The following ABCA13 variants were observed in gnomAD, a reference collection of about 807,000 sequenced individuals.
ABCA13 encodes the protein ATP binding cassette subfamily A member 13.
Under a neutral mutation model 478.7 loss-of-function variants are expected in ABCA13, and 476 were observed. That is an observed-to-expected ratio of 0.99 (90% CI 0.92 to 1.07). The LOEUF is 1.07. Ranked by LOEUF, ABCA13 falls within the 50% of genes least tolerant of loss-of-function variation. The probability of loss-of-function intolerance (pLI) is 0.00; values close to 1 mark genes in which losing one functional copy is unlikely to be tolerated. For missense variants in ABCA13, 6,060 were observed against 5,910.6 expected (o/e 1.03, Z -0.83); for synonymous variants, 2,252 against 2,158.9 (o/e 1.04, Z -1.20).
intron 55 of ABCA13, among the ~76,000 whole-genome samples, chr7:48,534,381 T>G (rs966938655): frequency 2.0e-5 from 3 of 152,334 alleles, no homozygotes; most frequent in Non-Finnish European, 2.9e-5. Flanking sequence ...GGTTACCTGA[T>G]GCTTTTGCCT....
rs772028834 is a variant in ABCA13, at chr7:48,392,082, T to A, written c.11816T>A (p.Phe3939Tyr). The part of the protein sequence containing the change: ...NLTVREHLLL[F>Y]ASIKAPQWTK... Reference sequence around the variant, plus strand: ...ACCGTCCGGGAACATTTGCTGCTCTTTGCTTCCATAAAGGCGCCTCAGTGG... The same window carrying A: ...ACCGTCCGGGAACATTTGCTGCTCTATGCTTCCATAAAGGCGCCTCAGTGG... The change falls in exon 38 of 62, where the codon TTT becomes TAT. Residue 3939 changes from phenylalanine to tyrosine, a missense_variant. Physicochemically the swap from Phe to Tyr is conservative, Grantham distance 22. This residue lies in a region of ABCA13 where 1,627 missense variants were observed against 1,571.0 expected (regional missense o/e 1.04). Coordinates refer to ENST00000435803, the MANE Select transcript of ABCA13 (RefSeq NM_152701.5). 4.8e-5 allele frequency: 77 copies of A among 1,613,826 alleles called. 1 individual carries two copies. The highest frequency in any genetic ancestry group is 3.3e-4 in the Middle Eastern group (2 of 6,084).
At chr7:48,429,136 T>G (rs1429695686) in intron 42 of ABCA13, among the ~76,000 whole-genome samples, 3 of 152,244 alleles carry the variant, frequency 2.0e-5, no homozygotes, top group African/African-American at 7.2e-5. Context: ...TTATTTTGAT[T>G]ACCAAATATT....
At chr7:48,368,746 TTTATATATATATATAC>T (rs1191140617) in intron 32 of ABCA13, among the ~76,000 whole-genome samples, 20 of 122,296 alleles carry the variant, frequency 1.6e-4, no homozygotes, top group Non-Finnish European at 3.4e-4. Flanking sequence ...TATATATACA[TTTATATATATATATAC>T]ACACATATAC....
intron 1 of ABCA13, among the ~76,000 whole-genome samples, chr7:48,181,306 G>T (rs1230907348): frequency 6.6e-5 from 10 of 152,074 alleles, no homozygotes; most frequent in Admixed American, 6.6e-4. Flanking sequence ...GTGATTACGT[G>T]CATGACAAGT....
At position 48,372,387 on chromosome 7, in the gene ABCA13, G is replaced by A. The variant is rs200787053; in HGVS notation, c.11023G>A (p.Ala3675Thr). The A allele has an allele frequency of 1.7e-5, 28 of 1,613,864 alleles. No individual in the cohort carries two copies. In the African/African-American group the frequency reaches 3.2e-4, roughly 18 times the overall value. The change falls in exon 33 of 62, where the codon GCT becomes ACT. Residue 3675 changes from alanine (A) to threonine (T), a missense_variant. Transcript: ENST00000435803. ...CCTCTTGAGTGCATTTTTCAGCCAA[G>A]CTAATACAGCGGCCCTTTGTACCAG... Reference protein sequence around the residue: ...SYLLSAFFSQANTAALCTSLV... With the variant: ...SYLLSAFFSQTNTAALCTSLV...
At chr7:48,264,922 A>G (rs1391627668) in intron 15 of ABCA13, among the ~76,000 whole-genome samples, 1 of 151,672 alleles carries the variant, frequency 6.6e-6, no homozygotes, top group African/African-American at 2.4e-5. Flanking sequence ...TATGTCCTAA[A>G]TTTAGGTCTA....
chr7:48,308,657 A>G (rs1801271731), intron 23 of ABCA13, among the ~76,000 whole-genome samples: 1 of 151,936 alleles, frequency 6.6e-6, no homozygotes, highest in African/African-American at 2.4e-5. Flanking sequence ...TGGGACTACC[A>G]CCGTATATGT....
intron 38 of ABCA13, among the ~76,000 whole-genome samples, chr7:48,402,828 C>A (rs528805742): frequency 1.3e-5 from 2 of 152,226 alleles, no homozygotes; most frequent in African/African-American, 4.8e-5. Context: ...TGCTGGCTAT[C>A]AGGAAGGTAG....
At chr7:48,434,181 T>C (rs1822518889) in intron 42 of ABCA13, among the ~76,000 whole-genome samples, 1 of 152,022 alleles carries the variant, frequency 6.6e-6, no homozygotes, top group Non-Finnish European at 1.5e-5. Flanking sequence ...TGCTTGTTAT[T>C]CCACCTTTTA....
chr7:48,181,048 A>T (rs1333400757), intron 1 of ABCA13, among the ~76,000 whole-genome samples: 1 of 152,236 alleles, frequency 6.6e-6, no homozygotes, highest in African/African-American at 2.4e-5. Context: ...AACTCTTTTT[A>T]GTTTCGTTCC....
intron 55 of ABCA13, among the ~76,000 whole-genome samples, chr7:48,567,467 G>A (rs1324251970): frequency 6.6e-6 from 1 of 151,896 alleles, no homozygotes; most frequent in Non-Finnish European, 1.5e-5. Context: ...TTGAGATTGG[G>A]GAGTAGTTGG....
chr7:48,645,251 A>C (rs1172665578), intron 61 of ABCA13, among the ~76,000 whole-genome samples, 166 bp from the exon 62 acceptor site: 1 of 152,162 alleles, frequency 6.6e-6, no homozygotes. Flanking sequence ...TTGTGTCCTC[A>C]ATGGATTTAT....
At chr7:48,241,441 A>G (rs1471734167) in intron 10 of ABCA13, among the ~76,000 whole-genome samples, 2 of 152,232 alleles carry the variant, frequency 1.3e-5, no homozygotes, top group Non-Finnish European at 2.9e-5. Context: ...TTCCTCTTCA[A>G]AAAATATGTT....
At chr7:48,411,652 A>C (rs1819259465) in intron 40 of ABCA13, among the ~76,000 whole-genome samples, 1 of 152,152 alleles carries the variant, frequency 6.6e-6, no homozygotes, top group Non-Finnish European at 1.5e-5. Flanking sequence ...TAGAGGCTAA[A>C]ACTTTGCCAG....
chr7:48,607,043 A>T (rs1050551238), intron 58 of ABCA13, among the ~76,000 whole-genome samples: 2 of 152,146 alleles, frequency 1.3e-5, no homozygotes, highest in African/African-American at 4.8e-5. Context: ...GCAAGGACGG[A>T]TGCCCCTCTC....
At chr7:48,441,889 A>G (rs1457671466) in intron 42 of ABCA13, among the ~76,000 whole-genome samples, 2 of 152,246 alleles carry the variant, frequency 1.3e-5, no homozygotes, top group African/African-American at 2.4e-5. Flanking sequence ...TTACTGCGAA[A>G]AAAATGAAAA....
chr7:48,602,290 T>C (rs866447419), intron 58 of ABCA13, among the ~76,000 whole-genome samples: 22 of 152,316 alleles, frequency 1.4e-4, no homozygotes, highest in Admixed American at 9.2e-4. Context: ...AGTCATGAAG[T>C]CTTTGCCCAT....
chr7:48,435,248 T>C (rs1563251863), intron 42 of ABCA13, among the ~76,000 whole-genome samples: 1 of 151,872 alleles, frequency 6.6e-6, no homozygotes, highest in African/African-American at 2.4e-5. Context: ...CTTTAGTATT[T>C]TATTCTCTTT....
At chr7:48,400,787 G>A (rs766703094) in intron 38 of ABCA13, among the ~76,000 whole-genome samples, 1 of 152,222 alleles carries the variant, frequency 6.6e-6, no homozygotes, top group East Asian at 1.9e-4. Context: ...GTGGCTTAGA[G>A]TCCTAGGAAT....
Sources: allele counts gnomAD v4.1 joint callset (sites outside exome capture counted in the v4.1 genomes callset), GRCh38; gene constraint gnomAD v4.1.1; regional missense constraint gnomAD v4.1.1; transcripts MANE v1.5; gene names NCBI Gene and HGNC (gene_info 2026-07-23, HGNC 2026-07-21).